Variants in SAAL1 observed in about 807,000 individuals in gnomAD.
SAAL1 encodes the protein protein SAAL1.
SAAL1 carries 42 observed loss-of-function variants against 59.8 expected under a neutral mutation model. That is an observed-to-expected ratio of 0.70 (90% CI 0.55 to 0.91). The LOEUF is 0.91. SAAL1 is among the 40% of genes least tolerant of loss of function. The probability of loss-of-function intolerance (pLI) is 0.00; values close to 1 mark genes in which losing one functional copy is unlikely to be tolerated. For missense variants in SAAL1, 542 were observed against 561.1 expected (o/e 0.97, Z 0.34); for synonymous variants, 191 against 194.3 (o/e 0.98, Z 0.14).
rs543012390 is a variant in SAAL1 at position 18,094,455 on chromosome 11, C to A, written c.334-2131G>T. On this transcript the variant is annotated intron_variant, in intron 3 of 11. Coordinates refer to ENST00000524803, the MANE Select transcript of SAAL1 (RefSeq NM_138421.3). ...ATCCCCCATGTATACCAAGGGACAA[C>A]TGTAGAGCGTGCAAGCAGAGAATGC... 2.6e-5 allele frequency among the ~76,000 whole-genome samples: 4 copies of A among 152,226 alleles called. No individual in the cohort carries two copies. The South Asian group carries it at 6.2e-4, about 24-fold the overall frequency.
At chr11:18,085,372 T>A (rs999457343) in intron 9 of SAAL1, among the ~76,000 whole-genome samples, 1 of 152,206 alleles carries the variant, frequency 6.6e-6, no homozygotes, top group African/African-American at 2.4e-5. Context: ...AGCCTTCATA[T>A]ATTCCAACAA....
intron 2 of SAAL1, among the ~76,000 whole-genome samples, chr11:18,098,472 A>G (rs1848600328): frequency 6.6e-6 from 1 of 152,168 alleles, no homozygotes; most frequent in South Asian, 2.1e-4. Flanking sequence ...ATATAAATAA[A>G]ATTAAGTCTC....
intron 3 of SAAL1, among the ~76,000 whole-genome samples, chr11:18,092,734 A>G (rs145361953): frequency 1.4e-4 from 21 of 152,334 alleles, no homozygotes; most frequent in South Asian, 6.2e-4. Context: ...GAACAGCATG[A>G]GGTAAATACT....
Position 18,081,482 on chromosome 11 carries a change from T to G in SAAL1, c.1261A>C (p.Lys421Gln). ...LTKETVAQGV[K>Q]EGQLSKQKCS... ...TTCTGTTTGCTCAACTGGCCTTCCT[T>G]TACTCCCTGAGCCACCGTCTCCTAA... The change falls in exon 11 of 12, where the codon AAG (lysine) becomes CAG (glutamine). Residue 421 changes from lysine (K) to glutamine (Q), a missense_variant. Transcript: ENST00000524803. The G allele has an allele frequency of 1.9e-6, 3 of 1,614,008 alleles. No homozygotes were observed. The South Asian group carries it at 3.3e-5, about 18-fold the overall frequency.
At chr11:18,095,776 T>C (rs533260563) in intron 3 of SAAL1, among the ~76,000 whole-genome samples, 13 of 152,370 alleles carry the variant, frequency 8.5e-5, no homozygotes, top group African/African-American at 3.1e-4. Flanking sequence ...GCCTCTCCTT[T>C]AGTCTTTATC....
chr11:18,081,647 G>A, intron 10 of SAAL1, 144 bp from the exon 11 acceptor site: 1 of 636,456 alleles, frequency 1.6e-6, no homozygotes, highest in South Asian at 1.9e-5. Context: ...ACATCAAGGA[G>A]GCTTATGTAA....
chr11:18,085,478 T>C (rs1352532490), intron 9 of SAAL1, among the ~76,000 whole-genome samples: 1 of 152,090 alleles, frequency 6.6e-6, no homozygotes, highest in African/African-American at 2.4e-5. Context: ...CCAAGATCCA[T>C]ATGAAGAAAC....
At chr11:18,098,103 C>T (rs940081451) in intron 2 of SAAL1, among the ~76,000 whole-genome samples, 1 of 152,120 alleles carries the variant, frequency 6.6e-6, no homozygotes, top group Admixed American at 6.5e-5. Flanking sequence ...GCTGAGATCT[C>T]GCCACTGCAC....
chr11:18,087,275 G>T, intron 7 of SAAL1, 50 bp from the exon 8 acceptor site: 1 of 1,123,624 alleles, frequency 8.9e-7, no homozygotes, highest in Non-Finnish European at 1.3e-6. Flanking sequence ...CTGTCCAGGG[G>T]ATTCCAATCA....
chr11:18,084,116 A>G (rs1401783904), intron 9 of SAAL1, among the ~76,000 whole-genome samples: 2 of 152,196 alleles, frequency 1.3e-5, no homozygotes, highest in Non-Finnish European at 2.9e-5. Flanking sequence ...ATGGGCGGGT[A>G]GCTTGAGCCC....
Position 18,080,470 on chromosome 11 carries a change from G to C in SAAL1, c.1354C>G (p.Leu452Val). The C allele has an allele frequency of 6.3e-7, 1 of 1,579,208 alleles. No homozygotes were observed. The highest frequency in any genetic ancestry group is 8.5e-7 in the Non-Finnish European group (1 of 1,170,600). Residue 452 changes from leucine (L) to valine (V), a missense_variant, in exon 12 of 12, where the codon CTA (leucine) becomes GTA (valine). Transcript: ENST00000524803. ...SPVVEDFIKI[L>V]REVDKALADD... ...GCAAGCGCCTTATCAACTTCACGTA[G>C]GATTTTAATAAAATCTTCCACCTGT...
chr11:18,083,579 T>C lies in SAAL1; in HGVS notation c.1195A>G (p.Ile399Val), dbSNP rs1033083319. 1 of 1,594,552 alleles carries C rather than the reference T, an allele frequency of 6.3e-7. No individual in the cohort carries two copies. Among genetic ancestry groups the C allele is most frequent in the South Asian group, 1.1e-5 (1 of 90,004 alleles). ...ATATTAGAAAGAAATTCACATAAAATATCCTTTAAGATTTTCAAGTGGAAA... is the reference window on the plus strand; with the variant it reads ...ATATTAGAAAGAAATTCACATAAAACATCCTTTAAGATTTTCAAGTGGAAA... ...DDFHLKILKDILCEFLSNIFQ... is the reference protein window; with the variant it reads ...DDFHLKILKDVLCEFLSNIFQ... Residue 399 changes from isoleucine to valine, a missense_variant, in exon 10 of 12, where the codon ATT becomes GTT. By Grantham distance (29) the Ile-to-Val change is conservative (BLOSUM62 3). Transcript: ENST00000524803.
At chr11:18,097,043 T>G (rs952718469) in intron 2 of SAAL1, among the ~76,000 whole-genome samples, 189 bp from the exon 3 acceptor site, 4 of 151,916 alleles carry the variant, frequency 2.6e-5, no homozygotes, top group Non-Finnish European at 5.9e-5. Flanking sequence ...CAAGACCAGC[T>G]GGGCAACACG....
chr11:18,089,581 T>C (rs756930808), intron 6 of SAAL1, 71 bp from the exon 7 acceptor site: 1 of 1,413,988 alleles, frequency 7.1e-7, no homozygotes, highest in Non-Finnish European at 9.6e-7. Context: ...GCAAAATTCC[T>C]AAAGCTATTC....
intron 2 of SAAL1, among the ~76,000 whole-genome samples, chr11:18,098,538 T>A (rs1590290765): frequency 6.6e-6 from 1 of 152,354 alleles, no homozygotes. Flanking sequence ...TTGAGAAGCC[T>A]TAACTTAAAA....
rs1848499249 is a variant in SAAL1, at chr11:18,089,401, G to A, written c.699C>T (p.Pro233=). Residue 233 remains proline (P), a synonymous_variant, in exon 7 of 12, where the codon CCC becomes CCT. Coordinates refer to ENST00000524803, the MANE Select transcript of SAAL1 (RefSeq NM_138421.3). The part of the protein sequence containing the change: ...RNGAAQPLDQ[P]QEESEEQPVF... Reference sequence around the variant, plus strand: ...CTGGCTGCTCTTCAGACTCTTCCTGGGGTTGGTCCAGAGGCTGAGCAGCCC... The same window carrying A: ...CTGGCTGCTCTTCAGACTCTTCCTGAGGTTGGTCCAGAGGCTGAGCAGCCC... 1 of 1,608,612 alleles carries A rather than the reference G, an allele frequency of 6.2e-7. No homozygotes were observed.
At chr11:18,087,338 G>A in intron 7 of SAAL1, 113 bp from the exon 8 acceptor site, 1 of 672,682 alleles carries the variant, frequency 1.5e-6, no homozygotes, top group Non-Finnish European at 2.5e-6. Flanking sequence ...TCAAGGTGCT[G>A]AGGATAAAAC....
rs191858336 is a variant in SAAL1 at position 18,104,034 on chromosome 11, G to A, written c.136-688C>T. On this transcript the variant is annotated intron_variant, in intron 1 of 11. Transcript: ENST00000524803. ...TTGTTTTTATTAACCTTTCCTAAACGTATTATAGCTCACATTTATCTCAAT... is the reference window on the plus strand; with the variant it reads ...TTGTTTTTATTAACCTTTCCTAAACATATTATAGCTCACATTTATCTCAAT... 6.8e-4 allele frequency among the ~76,000 whole-genome samples: 104 copies of A among 152,232 alleles called. 2 individuals carry two copies. The highest frequency in any genetic ancestry group is 3.4e-3 in the Admixed American group (52 of 15,290).
At chr11:18,086,428 G>A (rs1848464012) in intron 9 of SAAL1, among the ~76,000 whole-genome samples, 1 of 152,082 alleles carries the variant, frequency 6.6e-6, no homozygotes, top group South Asian at 2.1e-4. Flanking sequence ...GCCAGGTGGG[G>A]TGGCTCACGC....
Sources: allele counts gnomAD v4.1 joint callset (sites outside exome capture counted in the v4.1 genomes callset), GRCh38; gene constraint gnomAD v4.1.1; transcripts MANE v1.5; gene names NCBI Gene and HGNC (gene_info 2026-07-23, HGNC 2026-07-21).